LMX1A: variants seen among roughly 807,000 people sequenced by gnomAD.
LMX1A encodes LIM homeobox transcription factor 1-alpha.
LMX1A carries 15 observed loss-of-function variants against 49.1 expected under a neutral mutation model. The ratio of observed to expected loss-of-function variants is 0.31; its 90% CI spans 0.20 to 0.47. LMX1A has a LOEUF of 0.47. Ranked by LOEUF, LMX1A falls within the 20% of genes least tolerant of loss-of-function variation. The pLI is 1.00. For missense variants in LMX1A, 372 were observed against 475.8 expected, an observed-to-expected ratio of 0.78 and a Z score of 2.03; for synonymous variants, 167 against 185.7, an observed-to-expected ratio of 0.90 and a Z score of 0.82.
chr1:165,205,980 G>A lies in LMX1A; in HGVS notation c.872C>T (p.Thr291Met), dbSNP rs370226701. Residue 291 changes from threonine (T) to methionine (M), a missense_variant, in exon 8 of 9, where the codon ACG (threonine) becomes ATG (methionine). By Grantham distance (81) the Thr-to-Met change is moderately conservative. Transcript: ENST00000342310. ...AGMEGIMNPY[T>M]ALPTPQQLLA... The stretch of plus-strand genomic sequence containing the variant: ...GAGCTGCTGTGGGGTGGGCAGAGCC[G>A]TGTAGGGGTTCATGATTCCTTCCAT... The A allele has an allele frequency of 6.1e-5, 98 of 1,606,524 alleles. No individual in the cohort carries two copies. The highest frequency in any genetic ancestry group is 7.7e-5 in the Non-Finnish European group (91 of 1,176,880).
chr1:165,345,008 A>G (rs1338198470), intron 3 of LMX1A, among the ~76,000 whole-genome samples: 1 of 152,142 alleles, frequency 6.6e-6, no homozygotes, highest in East Asian at 1.9e-4. Flanking sequence ...CAGGGGGCCT[A>G]TTTCTGGGCC....
intron 5 of LMX1A, among the ~76,000 whole-genome samples, chr1:165,212,515 T>TG (rs1651449888): frequency 3.3e-5 from 2 of 61,340 alleles, no homozygotes; most frequent in Admixed American, 3.6e-4. Flanking sequence ...ACTTTTTGTT[T>TG]GTTTTTTTTT....
At chr1:165,353,408 T>A in intron 2 of LMX1A, 146 bp from the exon 3 acceptor site, 1 of 635,478 alleles carries the variant, frequency 1.6e-6, no homozygotes, top group East Asian at 2.8e-5. Context: ...TCAACCAAGC[T>A]GAAACCTGGA....
chr1:165,336,413 C>G (rs1221644350), intron 3 of LMX1A, among the ~76,000 whole-genome samples: 1 of 152,136 alleles, frequency 6.6e-6, no homozygotes, highest in Non-Finnish European at 1.5e-5. Flanking sequence ...CAAACAGACC[C>G]AAAGAGAGCC....
chr1:165,204,158 C>A, intron 8 of LMX1A, 118 bp from the exon 9 acceptor site: 1 of 1,068,358 alleles, frequency 9.4e-7, no homozygotes, highest in South Asian at 1.6e-5. Context: ...GTGAAACTTT[C>A]TACAAAAAGT....
chr1:165,207,029 CTTCAAAGTGTGGTCCACAGAT>C (rs1263461393), intron 7 of LMX1A, among the ~76,000 whole-genome samples: 2 of 152,138 alleles, frequency 1.3e-5, no homozygotes, highest in African/African-American at 2.4e-5. Flanking sequence ...ATTCCACAGA[CTTCAAAGTGTGGTCCACAGAT>C]TTCAAAGTGT....
intron 3 of LMX1A, among the ~76,000 whole-genome samples, chr1:165,251,790 C>T (rs893183668): frequency 1.3e-5 from 2 of 152,076 alleles, no homozygotes; most frequent in South Asian, 4.2e-4. Flanking sequence ...GATCTGTGCC[C>T]CCTAGCCTGA....
At chr1:165,258,471 A>T (rs916006861) in intron 3 of LMX1A, among the ~76,000 whole-genome samples, 1 of 152,136 alleles carries the variant, frequency 6.6e-6, no homozygotes, top group African/African-American at 2.4e-5. Context: ...AGGATCTTCT[A>T]TAGGAGACAG....
intron 3 of LMX1A, among the ~76,000 whole-genome samples, chr1:165,334,342 T>C (rs1348985545): frequency 6.6e-6 from 1 of 152,214 alleles, no homozygotes; most frequent in Non-Finnish European, 1.5e-5. Context: ...CATAATGATG[T>C]TGATGATAAT....
rs543829387 is a variant in LMX1A at position 165,306,416 on chromosome 1, A to G, written c.263+46660T>C. Reference sequence around the variant, plus strand: ...ACACATCTAAGTGGCTCTTGATCCAAAAAGAATGTGGAACAATACCTGGAC... The same window carrying G: ...ACACATCTAAGTGGCTCTTGATCCAGAAAGAATGTGGAACAATACCTGGAC... On this transcript the variant is annotated intron_variant, in intron 3 of 8. Coordinates refer to ENST00000342310, the MANE Select transcript of LMX1A (RefSeq NM_177398.4). Among the ~76,000 whole-genome samples, 206 of 152,248 alleles carry G rather than the reference A, an allele frequency of 1.4e-3. 1 individual carries two copies. The highest frequency in any genetic ancestry group is 4.7e-3 in the African/African-American group (197 of 41,540).
chr1:165,273,507 A>G (rs1053845894), intron 3 of LMX1A, among the ~76,000 whole-genome samples: 4 of 152,204 alleles, frequency 2.6e-5, no homozygotes, highest in Admixed American at 6.5e-5. Context: ...GAGCTTGTCA[A>G]TTGAGACCTC....
chr1:165,316,190 G>C (rs1655220536), intron 3 of LMX1A, among the ~76,000 whole-genome samples: 1 of 152,222 alleles, frequency 6.6e-6, no homozygotes, highest in African/African-American at 2.4e-5. Flanking sequence ...CTTTATGTAT[G>C]TGCATGTGTA....
At chr1:165,255,596 T>C (rs1653208371) in intron 3 of LMX1A, among the ~76,000 whole-genome samples, 1 of 152,250 alleles carries the variant, frequency 6.6e-6, no homozygotes, top group South Asian at 2.1e-4. Flanking sequence ...CTATAAGGTG[T>C]AGTGCAATTT....
chr1:165,237,580 CAA>C (rs1319259421), intron 4 of LMX1A, among the ~76,000 whole-genome samples: 2 of 151,940 alleles, frequency 1.3e-5, no homozygotes, highest in African/African-American at 4.8e-5. Context: ...AAAACAAAAA[CAA>C]AACAAAACAA....
chr1:165,323,598 C>G (rs1655483961), intron 3 of LMX1A, among the ~76,000 whole-genome samples: 1 of 152,222 alleles, frequency 6.6e-6, no homozygotes, highest in Non-Finnish European at 1.5e-5. Context: ...TGTACCATCT[C>G]TAGCAGCACA....
At chr1:165,280,222 G>A (rs543723017) in intron 3 of LMX1A, among the ~76,000 whole-genome samples, 39 of 152,286 alleles carry the variant, frequency 2.6e-4, no homozygotes, top group African/African-American at 3.1e-4. Flanking sequence ...TAAGCTTCCC[G>A]TTTTTCCGTG....
chr1:165,253,867 C>G (rs1557864263), intron 3 of LMX1A, among the ~76,000 whole-genome samples: 1 of 152,108 alleles, frequency 6.6e-6, no homozygotes, highest in South Asian at 2.1e-4. Context: ...GTTTTTCTCT[C>G]TATGTCTAAA....
intron 3 of LMX1A, among the ~76,000 whole-genome samples, chr1:165,307,668 T>G (rs1301759398): frequency 1.3e-5 from 2 of 152,206 alleles, no homozygotes; most frequent in Non-Finnish European, 2.9e-5. Flanking sequence ...AACAGATCCA[T>G]GTGAGTTTGC....
intron 3 of LMX1A, among the ~76,000 whole-genome samples, chr1:165,343,260 A>G (rs2101764577): frequency 6.6e-6 from 1 of 152,268 alleles, no homozygotes; most frequent in East Asian, 1.9e-4. Context: ...GCCCATGGTA[A>G]CACAGCTAAG....
Sources: gnomAD v4.1 joint callset for allele counts (sites outside exome capture counted in the v4.1 genomes callset) on GRCh38, gnomAD v4.1.1 for gene constraint, MANE v1.5 for transcripts, NCBI Gene and HGNC (gene_info 2026-07-23, HGNC 2026-07-21) for gene names.